Variants in CFH observed in about 807,000 individuals in gnomAD.
CFH encodes the protein complement factor H, also known as H factor 1 (complement).
CFH carries 53 observed loss-of-function variants against 147.3 expected under a neutral mutation model. The observed-to-expected ratio is 0.36, with a 90% CI of 0.29 to 0.45. The LOEUF is 0.45. Ranked by LOEUF, CFH falls within the 20% of genes least tolerant of loss-of-function variation. The probability of loss-of-function intolerance (pLI) is 1.00; values close to 1 mark genes in which losing one functional copy is unlikely to be tolerated. For synonymous variants in CFH, 536 were observed against 489.4 expected, an observed-to-expected ratio of 1.10 and a Z score of -1.26; for missense variants, 1,380 against 1,498.0, an observed-to-expected ratio of 0.92 and a Z score of 1.30.
chr1:196,742,102 C>A (rs1348108437), intron 19 of CFH, 51 bp downstream of exon 19: 1 of 1,571,038 alleles, frequency 6.4e-7, no homozygotes, highest in African/African-American at 1.4e-5. Flanking sequence ...GGGCCCAGCC[C>A]AGTGGCTGGC....
At chr1:196,662,200 A>T (rs1666933603) in intron 1 of CFH, among the ~76,000 whole-genome samples, 1 of 152,204 alleles carries the variant, frequency 6.6e-6, no homozygotes, top group Non-Finnish European at 1.5e-5. Context: ...GATTAGTTTG[A>T]CTCAATAACT....
intron 1 of CFH, among the ~76,000 whole-genome samples, chr1:196,670,607 A>G (rs1667244470): frequency 6.6e-6 from 1 of 152,100 alleles, no homozygotes; most frequent in African/African-American, 2.4e-5. Flanking sequence ...CATGACTGTA[A>G]CTTTCCTGAG....
At chr1:196,727,811 T>C (rs191961881) in intron 14 of CFH, among the ~76,000 whole-genome samples, 1 of 152,278 alleles carries the variant, frequency 6.6e-6, no homozygotes, top group Non-Finnish European at 1.5e-5. Context: ...TGGCATGAGG[T>C]AGTCAGGGAC....
At chr1:196,656,866 T>G (rs1572993693) in intron 1 of CFH, among the ~76,000 whole-genome samples, 1 of 152,194 alleles carries the variant, frequency 6.6e-6, no homozygotes, top group Non-Finnish European at 1.5e-5. Flanking sequence ...TCTCTAATTA[T>G]GACATACTTG....
chr1:196,730,808 T>G (rs923950644), intron 15 of CFH, among the ~76,000 whole-genome samples: 8 of 151,828 alleles, frequency 5.3e-5, no homozygotes, highest in Non-Finnish European at 1.5e-5. Context: ...TCTTGACAAA[T>G]TGACCCCACT....
At chr1:196,743,314 T>G (rs1652875881) in intron 19 of CFH, 138 bp from the exon 20 acceptor site, 1 of 1,329,626 alleles carries the variant, frequency 7.5e-7, no homozygotes, top group Non-Finnish European at 1.0e-6. Flanking sequence ...ACATTTAAAT[T>G]TATTAAAATC....
chr1:196,728,169 T>G (rs1280764252), intron 14 of CFH, among the ~76,000 whole-genome samples, 177 bp from the exon 15 acceptor site: 3 of 152,134 alleles, frequency 2.0e-5, no homozygotes, highest in African/African-American at 4.8e-5. Flanking sequence ...AGGGCTTATA[T>G]TTTGACATAA....
Position 196,737,648 on chromosome 1 carries a change from C to T in CFH, c.2770C>T (p.Pro924Ser). Reference protein sequence around the residue: ...TCYMGKWSSPPQCEGLPCKSP... With the variant: ...TCYMGKWSSPSQCEGLPCKSP... Reference sequence around the variant, plus strand: ...CTACATGGGAAAATGGAGTTCTCCACCTCAGTGTGAAGGTTAGGCCAATAT... The same window carrying T: ...CTACATGGGAAAATGGAGTTCTCCATCTCAGTGTGAAGGTTAGGCCAATAT... The change falls in exon 17 of 22, where the codon CCT becomes TCT. Residue 924 changes from proline (P) to serine (S), a missense_variant. Physicochemically the swap from Pro to Ser is moderately conservative, Grantham distance 74. This residue lies in a region of CFH where 830 missense variants were observed against 821.4 expected (regional missense o/e 1.01). Coordinates refer to ENST00000367429, the MANE Select transcript of CFH (RefSeq NM_000186.4). 2 of 1,613,128 alleles carry T rather than the reference C, an allele frequency of 1.2e-6. No homozygotes were observed. Among genetic ancestry groups the T allele is most frequent in the Non-Finnish European group, 1.7e-6 (2 of 1,179,416 alleles).
chr1:196,729,929 A>G (rs1669242077), intron 15 of CFH, among the ~76,000 whole-genome samples: 1 of 151,786 alleles, frequency 6.6e-6, no homozygotes, highest in Non-Finnish European at 1.5e-5. Context: ...ATCAGTTGTA[A>G]TATCACCCTT....
intron 1 of CFH, among the ~76,000 whole-genome samples, chr1:196,668,694 G>C (rs2149074799): frequency 6.6e-6 from 1 of 152,260 alleles, no homozygotes; most frequent in Non-Finnish European, 1.5e-5. Flanking sequence ...ATATGAAGAA[G>C]ATCCTCTCTT....
rs746244355 is a variant in CFH at position 196,742,008 on chromosome 1, A to G, written c.3090A>G (p.Val1030=). ...TYYKMDGASN[V]TCINSRWTGR... ...ACAAAATGGATGGAGCCAGTAATGT[A>G]ACATGCATTAATAGCAGATGGACAG... Residue 1030 remains valine (V), a synonymous_variant, in exon 19 of 22, where the codon GTA becomes GTG. Transcript: ENST00000367429. 1.2e-6 allele frequency: 2 copies of G among 1,614,094 alleles called. No individual in the cohort carries two copies. The highest frequency in any genetic ancestry group is 2.7e-5 in the African/African-American group (2 of 74,940).
chr1:196,746,534 T>TCA (rs2149118354), intron 21 of CFH, among the ~76,000 whole-genome samples: 1 of 152,372 alleles, frequency 6.6e-6, no homozygotes, highest in East Asian at 1.9e-4. Flanking sequence ...AAAATATATT[T>TCA]TGATGTTTGA....
chr1:196,734,671 G>A (rs904288320), intron 15 of CFH, among the ~76,000 whole-genome samples: 2 of 152,052 alleles, frequency 1.3e-5, no homozygotes, highest in African/African-American at 4.8e-5. Context: ...GGGGAAGGGA[G>A]AGTGGTGGCT....
At chr1:196,731,805 T>TATATC (rs1390981944) in intron 15 of CFH, among the ~76,000 whole-genome samples, 1 of 152,036 alleles carries the variant, frequency 6.6e-6, no homozygotes, top group Non-Finnish European at 1.5e-5. Flanking sequence ...GAATTTTGAG[T>TATATC]ATATCATTCC....
chr1:196,735,913 T>TA (rs1669391424), intron 15 of CFH, among the ~76,000 whole-genome samples: 2 of 152,056 alleles, frequency 1.3e-5, no homozygotes, highest in Non-Finnish European at 2.9e-5. Context: ...GTCAGACACT[T>TA]AAAATCATTG....
intron 5 of CFH, chr1:196,678,720 G>A (rs1245799818): frequency 6.6e-6 from 1 of 151,974 alleles, no homozygotes; most frequent in Non-Finnish European, 1.5e-5. Flanking sequence ...ACGAGATTTT[G>A]TAGATGAAAA....
intron 1 of CFH, among the ~76,000 whole-genome samples, chr1:196,669,752 AT>A (rs1367144678): frequency 6.6e-6 from 1 of 152,216 alleles, no homozygotes; most frequent in Non-Finnish European, 1.5e-5. Context: ...GAAATGTAGG[AT>A]TGGAGCCCCC....
At chr1:196,734,660 G>C (rs1385757719) in intron 15 of CFH, among the ~76,000 whole-genome samples, 5 of 151,998 alleles carry the variant, frequency 3.3e-5, no homozygotes, top group Admixed American at 2.0e-4. Context: ...TGTGCCTGTG[G>C]GGGGAAGGGA....
rs368521309 is a variant in CFH at position 196,703,036 on chromosome 1, C to T, written c.1337-10699C>T. ...CAGATATTCAGAGAAAGTTACAAAA[C>T]GTAGCTGAGGCATTGGACATGTTTT... On this transcript the variant is annotated intron_variant, in intron 9 of 21. Transcript: ENST00000367429. Among the ~76,000 whole-genome samples the T allele has an allele frequency of 2.4e-4, 36 of 152,320 alleles. No individual in the cohort carries two copies. The East Asian group carries it at 3.7e-3, about 16-fold the overall frequency.
Sources: allele counts gnomAD v4.1 joint callset (sites outside exome capture counted in the v4.1 genomes callset), GRCh38; gene constraint gnomAD v4.1.1; regional missense constraint gnomAD v4.1.1; transcripts MANE v1.5; gene names NCBI Gene and HGNC (gene_info 2026-07-23, HGNC 2026-07-21).